The following MEGF11 variants were observed in gnomAD, a reference collection of about 807,000 sequenced individuals.
The protein encoded by MEGF11 is multiple epidermal growth factor-like domains protein 11.
In MEGF11, 126 loss-of-function variants were observed where a neutral mutation model predicts 146.6. The ratio of observed to expected loss-of-function variants is 0.86; its 90% CI spans 0.74 to 1.00. MEGF11 has a LOEUF of 1.00. MEGF11 is among the 50% of genes least tolerant of loss of function. The pLI is 0.00. For missense variants in MEGF11, 1,509 were observed against 1,521.2 expected, an observed-to-expected ratio of 0.99 and a Z score of 0.13; for synonymous variants, 532 against 583.4, an observed-to-expected ratio of 0.91 and a Z score of 1.27.
chr15:65,967,265 T>C (rs532196796), intron 8 of MEGF11: 1 of 152,330 alleles, frequency 6.6e-6, no homozygotes, highest in South Asian at 2.1e-4. Context: ...ACAGTTCTTA[T>C]AACAGAGCCC....
At chr15:65,914,033 G>C in intron 19 of MEGF11, 60 bp from the exon 20 acceptor site, 2 of 1,405,506 alleles carry the variant, frequency 1.4e-6, no homozygotes, top group Non-Finnish European at 2.0e-6. Flanking sequence ...AGGTCTCCTG[G>C]GCCTGGGTTC....
chr15:66,085,531 G>C lies in MEGF11; in HGVS notation c.394+8871C>G, dbSNP rs186131263. Among the ~76,000 whole-genome samples, 423 of 152,320 alleles carry C rather than the reference G, an allele frequency of 2.8e-3. 2 individuals are homozygous for C. The highest frequency in any genetic ancestry group is 1.0e-2 in the African/African-American group (415 of 41,562). On this transcript the variant is annotated intron_variant, in intron 5 of 25. Coordinates refer to ENST00000395614, the MANE Select transcript of MEGF11 (RefSeq NM_001385028.1). ...TGCAGACAACCCCCAGTACCAACCC[G>C]GAGCTGGGTAGACTTACCAGGTAGC...
chr15:65,904,235 G>A (rs564964379), intron 24 of MEGF11, among the ~76,000 whole-genome samples: 1 of 152,302 alleles, frequency 6.6e-6, no homozygotes, highest in African/African-American at 2.4e-5. Context: ...AAGGCCCTTA[G>A]AGAGCTTTCT....
At chr15:65,941,017 TATTCTA>T (rs1567167842) in intron 10 of MEGF11, among the ~76,000 whole-genome samples, 1 of 152,192 alleles carries the variant, frequency 6.6e-6, no homozygotes, top group Non-Finnish European at 1.5e-5. Context: ...AGGGGTAACT[TATTCTA>T]ATTTGCACAA....
chr15:66,198,141 T>C (rs1420757950), intron 1 of MEGF11, among the ~76,000 whole-genome samples: 1 of 152,256 alleles, frequency 6.6e-6, no homozygotes, highest in Non-Finnish European at 1.5e-5. Context: ...TCAAGAGCTC[T>C]GATCAGCGTG....
chr15:65,936,326 T>A (rs1218951467), intron 10 of MEGF11, among the ~76,000 whole-genome samples: 1 of 152,182 alleles, frequency 6.6e-6, no homozygotes, highest in African/African-American at 2.4e-5. Context: ...GTGAGCTCCG[T>A]GGGGATGGAT....
chr15:65,960,840 TTCCTGCTTTTGA>T (rs1407803164), intron 9 of MEGF11, among the ~76,000 whole-genome samples: 5 of 152,206 alleles, frequency 3.3e-5, no homozygotes, highest in African/African-American at 1.2e-4. Context: ...CTCTTTGCAT[TTCCTGCTTTTGA>T]TCTCTGCTGC....
chr15:66,019,244 C>A (rs1488635956), intron 5 of MEGF11, among the ~76,000 whole-genome samples: 1 of 152,182 alleles, frequency 6.6e-6, no homozygotes, highest in African/African-American at 2.4e-5. Context: ...GCAGACAGCA[C>A]TCCCCTTGCC....
chr15:66,154,126 G>C (rs1355748083), intron 1 of MEGF11, among the ~76,000 whole-genome samples: 2 of 152,242 alleles, frequency 1.3e-5, no homozygotes, highest in Non-Finnish European at 2.9e-5. Context: ...CCACCAATGA[G>C]CAGCTTTGCG....
intron 1 of MEGF11, among the ~76,000 whole-genome samples, chr15:66,132,701 G>T (rs55993706): frequency 0.33 from 50,703 of 152,040 alleles, 10,223 homozygotes; most frequent in South Asian, 0.56. Flanking sequence ...TAAACTCTGG[G>T]GAGGGACAAC....
At chr15:66,047,685 T>TG in intron 5 of MEGF11, among the ~76,000 whole-genome samples, 1 of 152,242 alleles carries the variant, frequency 6.6e-6, no homozygotes, top group Middle Eastern at 3.4e-3. Context: ...TGAAGCTGCT[T>TG]GAAAAGGTGA....
intron 5 of MEGF11, among the ~76,000 whole-genome samples, chr15:66,089,177 A>C (rs1036068312): frequency 4.6e-5 from 7 of 152,208 alleles, no homozygotes; most frequent in Non-Finnish European, 1.0e-4. Context: ...CCCACACACC[A>C]TTCAAGATAA....
At chr15:66,205,693 A>G (rs2091282169) in intron 1 of MEGF11, among the ~76,000 whole-genome samples, 1 of 152,224 alleles carries the variant, frequency 6.6e-6, no homozygotes, top group South Asian at 2.1e-4. Flanking sequence ...ACCCGTGCTC[A>G]GCTGGCACAA....
rs181048669 is a variant in MEGF11, at chr15:66,207,063, C to T, written c.-9+46542G>A. ...GACAGAGCCTCAGAAAGCCATAATA[C>T]GCCATGAAGCATGTCAATACACACA... On this transcript the variant is annotated intron_variant, in intron 1 of 25. Transcript: ENST00000395614. Among the ~76,000 whole-genome samples, 65 of 152,006 alleles carry T rather than the reference C, an allele frequency of 4.3e-4. 1 individual carries two copies. The highest frequency in any genetic ancestry group is 6.2e-4 in the Non-Finnish European group (42 of 67,992).
At chr15:65,973,086 C>T (rs1375660561) in intron 7 of MEGF11, among the ~76,000 whole-genome samples, 1 of 150,014 alleles carries the variant, frequency 6.7e-6, no homozygotes, top group Admixed American at 6.6e-5. Flanking sequence ...AACTGCACTC[C>T]AGCCTGGGCA....
intron 1 of MEGF11, among the ~76,000 whole-genome samples, chr15:66,200,106 G>C (rs190812259): frequency 3.2e-4 from 48 of 152,284 alleles, no homozygotes; most frequent in Admixed American, 7.8e-4. Flanking sequence ...AACAAGCCTA[G>C]AAGGAAACAT....
At chr15:66,081,886 T>C (rs2085871943) in intron 5 of MEGF11, among the ~76,000 whole-genome samples, 1 of 152,124 alleles carries the variant, frequency 6.6e-6, no homozygotes, top group African/African-American at 2.4e-5. Flanking sequence ...GTGTCGAGTC[T>C]GTGGGAGGTA....
At chr15:66,000,022 G>A (rs774583605) in intron 5 of MEGF11, among the ~76,000 whole-genome samples, 4 of 152,132 alleles carry the variant, frequency 2.6e-5, no homozygotes, top group African/African-American at 7.2e-5. Flanking sequence ...TTAACCCACC[G>A]GACCTCTGGG....
rs1185208340 is a variant in MEGF11 at position 65,915,677 on chromosome 15, A to G, written c.2345-79T>C. 19 of 1,548,944 alleles carry G rather than the reference A, an allele frequency of 1.2e-5. No homozygotes were observed. The East Asian group carries it at 3.4e-4, about 28-fold the overall frequency. On this transcript the variant is annotated intron_variant, in intron 18 of 25. Transcript: ENST00000395614. ...CTTCCATGTTTAGACAGCTATGGCA[A>G]TAAGCCTGTTTTGCCTCCCACTGAG...
Sources: allele counts gnomAD v4.1 joint callset (sites outside exome capture counted in the v4.1 genomes callset), GRCh38; gene constraint gnomAD v4.1.1; transcripts MANE v1.5; gene names NCBI Gene and HGNC (gene_info 2026-07-23, HGNC 2026-07-21).